Variants in CNTLN observed in about 807,000 individuals in gnomAD.
CNTLN encodes centlein, centrosomal protein.
Under a neutral mutation model 180.0 loss-of-function variants are expected in CNTLN, and 212 were observed. The observed-to-expected ratio is 1.18, with a 90% CI of 1.05 to 1.32. The LOEUF is 1.32. Among genes scored for constraint, CNTLN ranks in the 40% most tolerant of loss-of-function variants. The probability of loss-of-function intolerance (pLI) is 0.00; values close to 1 mark genes in which losing one functional copy is unlikely to be tolerated. For synonymous variants in CNTLN, 722 were observed against 563.1 expected (o/e 1.28, Z -3.99); for missense variants, 2,095 against 1,610.9 (o/e 1.30, Z -5.14).
At chr9:17,524,039 G>C in the CNTLN span, among the ~76,000 whole-genome samples, 1 of 152,174 alleles carries the variant, frequency 6.6e-6, no homozygotes, top group Non-Finnish European at 1.5e-5. Context: ...AAATGAGAAA[G>C]GTTCAAAAGT....
chr9:17,520,088 C>G, the CNTLN span, among the ~76,000 whole-genome samples: 3 of 152,186 alleles, frequency 2.0e-5, no homozygotes, highest in Non-Finnish European at 4.4e-5. Context: ...ATTTATTTTG[C>G]TTGTGTAAAT....
Position 17,416,162 on chromosome 9 carries a change from A to G in CNTLN, c.3087A>G (p.Arg1029=). 1 of 1,613,324 alleles carries G rather than the reference A, an allele frequency of 6.2e-7. No individual in the cohort carries two copies. The highest frequency in any genetic ancestry group is 1.3e-5 in the African/African-American group (1 of 74,988). ...LLHQQQVSDQ[R]FQTSRQTIKK... ...ATCAACAGCAAGTATCCGATCAACG[A>G]TTTCAGACAAGCAGGCAGACAATAA... is the stretch of plus-strand genomic sequence containing the variant. The change falls in exon 18 of 26, where the codon CGA becomes CGG. Residue 1029 remains arginine (R), a synonymous_variant. Coordinates refer to ENST00000380647, the MANE Select transcript of CNTLN (RefSeq NM_017738.4).
chr9:17,263,341 T>C, intron 5 of CNTLN, among the ~76,000 whole-genome samples: 1 of 150,760 alleles, frequency 6.6e-6, no homozygotes, highest in East Asian at 2.0e-4. Context: ...TGGTTTCCAC[T>C]TTCATCCATG....
the CNTLN span, among the ~76,000 whole-genome samples, chr9:17,510,223 A>T: frequency 6.6e-6 from 1 of 152,166 alleles, no homozygotes; most frequent in Non-Finnish European, 1.5e-5. Context: ...GTGAGGGGAA[A>T]GGGAATAGGG....
In CNTLN at chr9:17,488,954, T is replaced by C. The variant is rs539084088; in HGVS notation, c.4119+1888T>C. Among the ~76,000 whole-genome samples the C allele has an allele frequency of 1.3e-4, 20 of 152,274 alleles. No homozygotes were observed. In the South Asian group the frequency reaches 3.9e-3, roughly 30 times the overall value. On this transcript the variant is annotated intron_variant, in intron 25 of 25. Coordinates refer to ENST00000380647, the MANE Select transcript of CNTLN (RefSeq NM_017738.4). The stretch of plus-strand genomic sequence containing the variant: ...TAGATCATTTTTCAAGCTAATTTTA[T>C]TCCACTGTGACAGTATGATAACATT...
intron 12 of CNTLN, among the ~76,000 whole-genome samples, chr9:17,346,430 C>T (rs1328339280): frequency 6.6e-6 from 1 of 152,146 alleles, no homozygotes; most frequent in African/African-American, 2.4e-5. Flanking sequence ...ATGGGAATTA[C>T]AATTCAAGAT....
chr9:17,262,872 G>C (rs974648312), intron 5 of CNTLN, among the ~76,000 whole-genome samples: 1 of 151,194 alleles, frequency 6.6e-6, no homozygotes, highest in East Asian at 1.9e-4. Context: ...TAGTATTTTG[G>C]GGTGTGTTCC....
chr9:17,268,974 C>G (rs1027704593), intron 5 of CNTLN, among the ~76,000 whole-genome samples: 6 of 152,006 alleles, frequency 3.9e-5, no homozygotes, highest in African/African-American at 1.4e-4. Flanking sequence ...ACTCCCTGAC[C>G]CCTTGTGCTT....
At chr9:17,388,461 T>C (rs1372701) in intron 14 of CNTLN, among the ~76,000 whole-genome samples, 145,367 of 152,104 alleles carry the variant, frequency 0.96, 69,807 homozygotes, top group East Asian at 1. Flanking sequence ...CTTCCATTGA[T>C]GTAGATTAAC....
intron 8 of CNTLN, among the ~76,000 whole-genome samples, chr9:17,317,439 A>T (rs985046981): frequency 3.3e-5 from 5 of 152,200 alleles, no homozygotes; most frequent in African/African-American, 1.2e-4. Flanking sequence ...ATATTCCACA[A>T]ATATTTATTG....
intron 6 of CNTLN, among the ~76,000 whole-genome samples, chr9:17,291,911 C>T (rs1056414831): frequency 1.3e-5 from 2 of 152,146 alleles, no homozygotes; most frequent in East Asian, 3.9e-4. Flanking sequence ...CTTTGTACTT[C>T]AGTGTGTTTT....
chr9:17,458,591 C>G (rs1481191382), intron 19 of CNTLN, among the ~76,000 whole-genome samples: 1 of 151,822 alleles, frequency 6.6e-6, no homozygotes, highest in Non-Finnish European at 1.5e-5. Context: ...TCATTGTTTT[C>G]GGTCCCAAAT....
chr9:17,266,789 G>T (rs1827490994), intron 5 of CNTLN, among the ~76,000 whole-genome samples: 1 of 152,162 alleles, frequency 6.6e-6, no homozygotes, highest in Non-Finnish European at 1.5e-5. Context: ...TTACCATTAT[G>T]TAATGGCCTT....
At chr9:17,269,519 T>G (rs1827781227) in intron 5 of CNTLN, among the ~76,000 whole-genome samples, 2 of 152,198 alleles carry the variant, frequency 1.3e-5, no homozygotes, top group African/African-American at 4.8e-5. Flanking sequence ...GATCTCTTGT[T>G]TGGTCAATTG....
chr9:17,198,475 A>T lies in CNTLN; in HGVS notation c.450-27728A>T, dbSNP rs556043055. Among the ~76,000 whole-genome samples, 41 of 145,622 alleles carry T rather than the reference A, an allele frequency of 2.8e-4. 1 individual carries two copies. The highest frequency in any genetic ancestry group is 1.0e-3 in the African/African-American group (40 of 39,646). The stretch of plus-strand genomic sequence containing the variant: ...TAGAGATCTTTCACTTCTTTGGTTA[A>T]GTGAATTCCTAGGTATTTACTTTTA... On this transcript the variant is annotated intron_variant, in intron 2 of 25. Coordinates refer to ENST00000380647, the MANE Select transcript of CNTLN (RefSeq NM_017738.4).
chr9:17,458,453 C>G (rs192548909), intron 19 of CNTLN, among the ~76,000 whole-genome samples: 1 of 151,938 alleles, frequency 6.6e-6, no homozygotes, highest in African/African-American at 2.4e-5. Flanking sequence ...ATATATGGGA[C>G]CATTGCTATA....
intron 23 of CNTLN, among the ~76,000 whole-genome samples, chr9:17,480,784 T>A (rs117416776): frequency 0.015 from 2,256 of 152,324 alleles, 27 homozygotes; most frequent in Non-Finnish European, 0.024. Context: ...AAATAAAAAG[T>A]AAGTTCATGA....
At position 17,464,548 on chromosome 9, in the gene CNTLN, C is replaced by G. The variant is rs773942240; in HGVS notation, c.3456C>G (p.Asp1152Glu). The change falls in exon 21 of 26, where the codon GAC (aspartate) becomes GAG (glutamate). Residue 1152 changes from aspartate (D) to glutamate (E), a missense_variant. Physicochemically the swap from Asp to Glu is conservative, Grantham distance 45 (BLOSUM62 2). Transcript: ENST00000380647. ...CTATGAAAAGACATTTGATAGAGGA[C>G]TTGAAATTTCGACAGAAAGTAAATT... ...DITMKRHLIE[D>E]LKFRQKVNLE... The G allele has an allele frequency of 2.0e-6, 3 of 1,513,368 alleles. No individual in the cohort carries two copies. In the South Asian group the frequency reaches 3.9e-5, roughly 20 times the overall value. 93.7% of individuals were successfully genotyped at this position (1,513,368 alleles called of 1,614,324 possible).
chr9:17,299,047 T>A, intron 7 of CNTLN: 1 of 497,648 alleles, frequency 2.0e-6, no homozygotes, highest in Non-Finnish European at 2.6e-6. Context: ...ATCGAGACCA[T>A]CCTGGCCAAC....
Sources: gnomAD v4.1 joint callset for allele counts (sites outside exome capture counted in the v4.1 genomes callset) on GRCh38, gnomAD v4.1.1 for gene constraint, MANE v1.5 for transcripts, NCBI Gene and HGNC (gene_info 2026-07-23, HGNC 2026-07-21) for gene names.